The following HEPACAM2 variants were observed in gnomAD, a reference collection of about 807,000 sequenced individuals.
HEPACAM2 encodes the protein mitotic kinetics regulator.
In HEPACAM2, 49 loss-of-function variants were observed where a neutral mutation model predicts 49.6. The observed-to-expected ratio is 0.99, with a 90% CI of 0.78 to 1.25. The LOEUF is 1.25. Ranked by LOEUF, HEPACAM2 falls within the 50% of genes most tolerant of loss-of-function variation. The pLI is 0.00. For synonymous variants in HEPACAM2, 197 were observed against 202.9 expected (o/e 0.97, Z 0.25); for missense variants, 525 against 557.2 (o/e 0.94, Z 0.58).
At chr7:93,189,836 T>G (rs1397131523) in intron 9 of HEPACAM2, among the ~76,000 whole-genome samples, 1 of 151,956 alleles carries the variant, frequency 6.6e-6, no homozygotes, top group Non-Finnish European at 1.5e-5. Context: ...AGCTGGCACA[T>G]TCAAGTTGGG....
At chr7:93,195,788 A>G (rs749662878) in intron 8 of HEPACAM2, 40 bp downstream of exon 8, 6 of 1,492,398 alleles carry the variant, frequency 4.0e-6, no homozygotes, top group Non-Finnish European at 5.6e-6. Flanking sequence ...GGTGAAGCAG[A>G]ATTCTACTTC....
intron 3 of HEPACAM2, among the ~76,000 whole-genome samples, chr7:93,214,110 G>A (rs1176810454): frequency 6.6e-6 from 1 of 152,070 alleles, no homozygotes; most frequent in African/African-American, 2.4e-5. Flanking sequence ...AAATTAATGG[G>A]TCTGGGTTGT....
chr7:93,193,714 C>T (rs1011030869), intron 8 of HEPACAM2, among the ~76,000 whole-genome samples: 1 of 152,136 alleles, frequency 6.6e-6, no homozygotes, highest in Non-Finnish European at 1.5e-5. Flanking sequence ...GCTGGGACTA[C>T]AGGTGCACAC....
At chr7:93,225,757 A>G in intron 1 of HEPACAM2, 1 of 412,310 alleles carries the variant, frequency 2.4e-6, no homozygotes, top group African/African-American at 2.0e-5. Flanking sequence ...ATTAAGGTAG[A>G]AAAAAATTCT....
intron 2 of HEPACAM2, among the ~76,000 whole-genome samples, chr7:93,218,316 G>C (rs1022717019): frequency 1.3e-5 from 2 of 152,056 alleles, no homozygotes; most frequent in African/African-American, 4.8e-5. Context: ...GACAGTTCAG[G>C]CCGCGGCTGA....
chr7:93,219,217 G>A lies in HEPACAM2; in HGVS notation c.314C>T (p.Ala105Val), dbSNP rs990886790. The A allele has an allele frequency of 6.2e-7, 1 of 1,614,008 alleles. No individual in the cohort carries two copies. The highest frequency in any genetic ancestry group is 8.5e-7 in the Non-Finnish European group (1 of 1,179,912). Residue 105 changes from alanine (A) to valine (V), a missense_variant, in exon 2 of 10, where the codon GCA becomes GTA. Transcript: ENST00000394468. ...QHKFTMMPPN[A>V]SLLINPLQFP... ...CTGCAGTGGGTTGATAAGCAGAGAT[G>A]CATTGGGTGGCATCATGGTGAACTT...
At chr7:93,214,454 C>T (rs1482344764) in intron 3 of HEPACAM2, among the ~76,000 whole-genome samples, 1 of 152,070 alleles carries the variant, frequency 6.6e-6, no homozygotes, top group Non-Finnish European at 1.5e-5. Context: ...TATTATCTGT[C>T]GTTAGTCTTT....
upstream of HEPACAM2, among the ~76,000 whole-genome samples, chr7:93,228,389 A>G (rs1337442432): frequency 6.6e-6 from 1 of 152,156 alleles, no homozygotes; most frequent in Non-Finnish European, 1.5e-5. Flanking sequence ...CGGCACATCT[A>G]GGGAAAGGGC....
intron 5 of HEPACAM2, 26 bp downstream of exon 5, chr7:93,197,459 A>AT (rs374966239): frequency 8.6e-3 from 11,318 of 1,314,364 alleles, no homozygotes; most frequent in South Asian, 0.018. Context: ...TACAGCTTCA[A>AT]TTTTTTTTTT....
chr7:93,203,033 T>G (rs1793935491), intron 4 of HEPACAM2, among the ~76,000 whole-genome samples: 1 of 152,178 alleles, frequency 6.6e-6, no homozygotes, highest in Non-Finnish European at 1.5e-5. Flanking sequence ...GGCTCCTTCC[T>G]TATTGCCCTC....
At chr7:93,230,303 C>T (rs1317345076), upstream of HEPACAM2, among the ~76,000 whole-genome samples, 1 of 152,150 alleles carries the variant, frequency 6.6e-6, no homozygotes, top group East Asian at 1.9e-4. Flanking sequence ...AATATGTGGT[C>T]TCGAACCCTT....
chr7:93,231,279 A>G (rs1794623540), upstream of HEPACAM2, among the ~76,000 whole-genome samples: 1 of 152,112 alleles, frequency 6.6e-6, no homozygotes, highest in East Asian at 1.9e-4. Context: ...TTTAGAAGTT[A>G]ACATTATAAT....
At chr7:93,193,752 A>T (rs1426929627) in intron 8 of HEPACAM2, among the ~76,000 whole-genome samples, 1 of 152,118 alleles carries the variant, frequency 6.6e-6, no homozygotes, top group East Asian at 1.9e-4. Flanking sequence ...TTTGATTTTT[A>T]AAAACTCAGA....
Position 93,219,350 on chromosome 7 carries a change from C to G in HEPACAM2, c.181G>C (p.Ala61Pro). Residue 61 changes from alanine (A) to proline (P), a missense_variant, in exon 2 of 10, where the codon GCA (alanine) becomes CCA (proline). Coordinates refer to ENST00000394468, the MANE Select transcript of HEPACAM2 (RefSeq NM_001039372.4). ...LPVHYGFHTP[A>P]SDIQIIWLFE... The stretch of plus-strand genomic sequence containing the variant: ...AGCCATATGATCTGGATGTCTGATG[C>G]TGGAGTGTGGAAGCCATAGTGGACG... 3 of 1,613,966 alleles carry G rather than the reference C, an allele frequency of 1.9e-6. No individual in the cohort carries two copies. The highest frequency in any genetic ancestry group is 2.5e-6 in the Non-Finnish European group (3 of 1,179,960).
Position 93,192,273 on chromosome 7 carries a change from G to C in HEPACAM2, c.1366C>G (p.Gln456Glu). ...ACTTACTCTGGATGGTCTTGCTGCT[G>C]GGCAGGGATGTGCTGAATAACTTCA... ...VYEVIQHIPA[Q>E]QQDHPE Residue 456 changes from glutamine to glutamate, a missense_variant, in exon 9 of 10, where the codon CAG (glutamine) becomes GAG (glutamate). By Grantham distance (29) the Gln-to-Glu change is conservative. Coordinates refer to ENST00000394468, the MANE Select transcript of HEPACAM2 (RefSeq NM_001039372.4). The C allele has an allele frequency of 2.5e-6, 4 of 1,612,014 alleles. No homozygotes were observed. The highest frequency in any genetic ancestry group is 2.2e-5 in the East Asian group (1 of 44,836).
intron 3 of HEPACAM2, among the ~76,000 whole-genome samples, chr7:93,214,636 C>T (rs1794257735): frequency 6.6e-6 from 1 of 152,094 alleles, no homozygotes; most frequent in African/African-American, 2.4e-5. Context: ...GCTTAGGAGC[C>T]TAAAGCATAA....
intron 4 of HEPACAM2, among the ~76,000 whole-genome samples, chr7:93,198,395 G>A (rs1374830938): frequency 6.6e-6 from 1 of 152,054 alleles, no homozygotes. Context: ...GCTGAGTCTT[G>A]CCCAAGGTCA....
At chr7:93,230,389 G>T (rs1794600644), upstream of HEPACAM2, among the ~76,000 whole-genome samples, 1 of 152,146 alleles carries the variant, frequency 6.6e-6, no homozygotes, top group Non-Finnish European at 1.5e-5. Context: ...AATCACTGAA[G>T]ATTTTAAACA....
At chr7:93,215,276 A>G (rs930393681) in intron 3 of HEPACAM2, 125 bp downstream of exon 3, 14 of 774,256 alleles carry the variant, frequency 1.8e-5, no homozygotes, top group African/African-American at 1.1e-4. Context: ...GATTAGAACT[A>G]TTGAACTACA....
Sources: gnomAD v4.1 joint callset for allele counts (sites outside exome capture counted in the v4.1 genomes callset) on GRCh38, gnomAD v4.1.1 for gene constraint, MANE v1.5 for transcripts, NCBI Gene and HGNC (gene_info 2026-07-23, HGNC 2026-07-21) for gene names.